PSMB7: variants seen among roughly 807,000 people sequenced by gnomAD.
The protein encoded by PSMB7 is proteasome subunit beta type-7.
A neutral mutation model predicts 28.1 loss-of-function variants in PSMB7; 5 were observed. The ratio of observed to expected loss-of-function variants is 0.18; its 90% CI spans 0.09 to 0.37. PSMB7 has a LOEUF of 0.37. Ranked by LOEUF, PSMB7 falls within the 10% of genes least tolerant of loss-of-function variation. PSMB7 has a pLI of 1.00. For missense variants in PSMB7, 275 were observed against 346.2 expected (o/e 0.79, Z 1.63); for synonymous variants, 122 against 123.7 (o/e 0.99, Z 0.09).
intron 5 of PSMB7, among the ~76,000 whole-genome samples, chr9:124,398,643 A>G (rs1830865814): frequency 6.6e-6 from 1 of 152,240 alleles, no homozygotes; most frequent in South Asian, 2.1e-4. Flanking sequence ...ACAGTCAAAA[A>G]TACAAAATCC....
At chr9:124,363,436 T>C (rs1003966496) in intron 6 of PSMB7, among the ~76,000 whole-genome samples, 1 of 152,240 alleles carries the variant, frequency 6.6e-6, no homozygotes, top group African/African-American at 2.4e-5. Flanking sequence ...CTGCACTGAG[T>C]CACAGACTTG....
At chr9:124,363,012 G>A (rs1379721342) in intron 6 of PSMB7, among the ~76,000 whole-genome samples, 1 of 152,152 alleles carries the variant, frequency 6.6e-6, no homozygotes, top group African/African-American at 2.4e-5. Context: ...GGACTCTAAA[G>A]AGAGAGGATG....
intron 6 of PSMB7, among the ~76,000 whole-genome samples, chr9:124,374,155 T>C (rs542199381): frequency 6.1e-4 from 93 of 152,352 alleles, no homozygotes; most frequent in Non-Finnish European, 1.0e-3. Flanking sequence ...TATTATATGA[T>C]TACATTTACA....
chr9:124,364,524 GAAA>G (rs10595510), intron 6 of PSMB7, among the ~76,000 whole-genome samples: 149 of 132,104 alleles, frequency 1.1e-3, no homozygotes, highest in Non-Finnish European at 1.3e-3. Flanking sequence ...TGTAATCAGA[GAAA>G]AAAAAAAAAA....
Position 124,364,234 on chromosome 9 carries a change from G to A in PSMB7, c.571-7319C>T, listed in dbSNP as rs140231511. On this transcript the variant is annotated intron_variant, in intron 6 of 7. Transcript: ENST00000259457. ...AGAAAGGTTGGCTGATGCACTCAAA[G>A]GCACAAGGCTGTGTACAAGCAGGAG... is the stretch of plus-strand genomic sequence containing the variant. Among the ~76,000 whole-genome samples the A allele has an allele frequency of 3.7e-3, 557 of 152,256 alleles. 4 individuals are homozygous for A. Among genetic ancestry groups the A allele is most frequent in the African/African-American group, 0.012 (505 of 41,554 alleles).
At chr9:124,405,830 G>C (rs193241109) in intron 4 of PSMB7, among the ~76,000 whole-genome samples, 1 of 152,012 alleles carries the variant, frequency 6.6e-6, no homozygotes, top group Non-Finnish European at 1.5e-5. Context: ...CTACAGGTGT[G>C]CACCACCACA....
Position 124,356,165 on chromosome 9 carries a change from C to T in PSMB7, c.722+599G>A, listed in dbSNP as rs907229197. 6.6e-6 allele frequency among the ~76,000 whole-genome samples: 1 copy of T among 152,198 alleles called. No individual in the cohort carries two copies. Among genetic ancestry groups the T allele is most frequent in the Non-Finnish European group, 1.5e-5 (1 of 68,040 alleles). ...AAACGAGCTGCTCCTCTGACACATG[C>T]TAGCCACCAGGTTTGGAAACCTCCC... is the stretch of plus-strand genomic sequence containing the variant. On this transcript the variant is annotated intron_variant, in intron 7 of 7. Coordinates refer to ENST00000259457, the MANE Select transcript of PSMB7 (RefSeq NM_002799.4). This position sits in a 1 kb window ranked among gnomAD's most constrained non-coding sequence, Gnocchi z 4.4.
intron 5 of PSMB7, among the ~76,000 whole-genome samples, chr9:124,387,574 C>G (rs1045714540): frequency 6.6e-6 from 1 of 152,116 alleles, no homozygotes; most frequent in African/African-American, 2.4e-5. Context: ...AAATCAAAGA[C>G]AAGAGGGCCC....
chr9:124,354,521 CG>C (rs1203922610), intron 7 of PSMB7, among the ~76,000 whole-genome samples: 1 of 152,126 alleles, frequency 6.6e-6, no homozygotes, highest in Non-Finnish European at 1.5e-5. Flanking sequence ...CTTGTGCTCC[CG>C]GAACACCCAT....
chr9:124,365,733 T>C (rs60993158), intron 6 of PSMB7, among the ~76,000 whole-genome samples: 7 of 152,178 alleles, frequency 4.6e-5, no homozygotes, highest in African/African-American at 1.2e-4. Flanking sequence ...CTGGGCAACA[T>C]AGTGAGACCT....
Position 124,415,389 on chromosome 9 carries a change from C to T in PSMB7, c.37G>A (p.Gly13Ser). Residue 13 changes from glycine (G) to serine (S), a missense_variant, in exon 1 of 8, where the codon GGC (glycine) becomes AGC (serine). Coordinates refer to ENST00000259457, the MANE Select transcript of PSMB7 (RefSeq NM_002799.4). ...AVSVYAPPVG[G>S]FSFDNCRRNA... is the part of the protein sequence containing the mutation. The stretch of plus-strand genomic sequence containing the variant: ...CTGCGGCAGTTATCAAAAGAGAAGC[C>T]TCCAACTGGTGGAGCATACACCGAC... The T allele has an allele frequency of 6.2e-7, 1 of 1,614,174 alleles. No individual in the cohort carries two copies. The highest frequency in any genetic ancestry group is 8.5e-7 in the Non-Finnish European group (1 of 1,180,046).
At chr9:124,404,742 A>T (rs1830946131) in intron 5 of PSMB7, among the ~76,000 whole-genome samples, 1 of 152,136 alleles carries the variant, frequency 6.6e-6, no homozygotes, top group African/African-American at 2.4e-5. Context: ...CACTCCAGCT[A>T]CTTGGGAGGC....
At chr9:124,397,942 T>C (rs1588579611) in intron 5 of PSMB7, among the ~76,000 whole-genome samples, 1 of 151,458 alleles carries the variant, frequency 6.6e-6, no homozygotes, top group Non-Finnish European at 1.5e-5. Context: ...CCGAGGCGGG[T>C]GGATCACTTG....
At position 124,386,587 on chromosome 9, in the gene PSMB7, G is replaced by C. The variant is rs1406743787; in HGVS notation, c.512-1931C>G. 2.6e-5 allele frequency among the ~76,000 whole-genome samples: 4 copies of C among 152,152 alleles called. No homozygotes were observed. The East Asian group carries it at 5.8e-4, about 22-fold the overall frequency. On this transcript the variant is annotated intron_variant, in intron 5 of 7. Transcript: ENST00000259457. ...CCTGCACAGCACTGATGAGCAGACT[G>C]GTCTCTTCCAACAAAGTCCAAGAAT...
At chr9:124,395,630 G>A (rs1196139205) in intron 5 of PSMB7, among the ~76,000 whole-genome samples, 2 of 152,196 alleles carry the variant, frequency 1.3e-5, no homozygotes, top group African/African-American at 2.4e-5. Context: ...AAAGCACACA[G>A]TGATGTACAG....
chr9:124,378,326 C>T (rs1033404452), intron 6 of PSMB7, among the ~76,000 whole-genome samples: 5 of 152,192 alleles, frequency 3.3e-5, no homozygotes, highest in African/African-American at 4.8e-5. Flanking sequence ...ACTGTGCTCA[C>T]ACGATGTGTT....
At chr9:124,364,021 G>A (rs1172309470) in intron 6 of PSMB7, among the ~76,000 whole-genome samples, 5 of 152,164 alleles carry the variant, frequency 3.3e-5, no homozygotes, top group Admixed American at 3.3e-4. Context: ...GGAATAAAAT[G>A]AGAGAAATGA....
chr9:124,413,988 T>C lies in PSMB7; in HGVS notation c.174A>G (p.Gly58=), dbSNP rs1168832119. The C allele has an allele frequency of 6.2e-7, 1 of 1,612,100 alleles. No individual in the cohort carries two copies. The highest frequency in any genetic ancestry group is 8.5e-7 in the Non-Finnish European group (1 of 1,178,982). The change falls in exon 3 of 8, where the codon GGA becomes GGG. Residue 58 remains glycine (G), a synonymous_variant. Transcript: ENST00000259457. ...GVVYKDGIVL[G]ADTRATEGMV... Reference sequence around the variant, plus strand: ...TCCCTTCAGTTGCTCTTGTATCTGCTCCAAGAACTATGCCATCCTATTAAA... The same window carrying C: ...TCCCTTCAGTTGCTCTTGTATCTGCCCCAAGAACTATGCCATCCTATTAAA...
Position 124,389,883 on chromosome 9 carries a change from G to GT in PSMB7, c.512-5228dup, listed in dbSNP as rs548225588. ...CAAGGACCACACCTCCAGCCAGTCTGTTACAATGAAACATCTTATAATAGC... is the reference window on the plus strand; with the variant it reads ...CAAGGACCACACCTCCAGCCAGTCTGTTTACAATGAAACATCTTATAATAGC... On this transcript the variant is annotated intron_variant, in intron 5 of 7. Transcript: ENST00000259457. Among the ~76,000 whole-genome samples the GT allele has an allele frequency of 2.0e-3, 301 of 152,280 alleles. 1 individual carries two copies. Among genetic ancestry groups the GT allele is most frequent in the African/African-American group, 7.1e-3 (295 of 41,554 alleles).
Sources: gnomAD v4.1 joint callset for allele counts (sites outside exome capture counted in the v4.1 genomes callset) on GRCh38, gnomAD v4.1.1 for gene constraint, Gnocchi (gnomAD v3.1) non-coding constraint, MANE v1.5 for transcripts, NCBI Gene and HGNC (gene_info 2026-07-23, HGNC 2026-07-21) for gene names.